The following PTPRD variants were observed in gnomAD, a reference collection of about 807,000 sequenced individuals.
The protein encoded by PTPRD is receptor-type tyrosine-protein phosphatase delta.
A neutral mutation model predicts 214.5 loss-of-function variants in PTPRD; 34 were observed. The observed-to-expected ratio is 0.16, with a 90% CI of 0.12 to 0.21. The LOEUF (loss-of-function observed/expected upper bound fraction) is 0.21. PTPRD is among the 10% of genes least tolerant of loss of function. The pLI is 1.00. For missense variants in PTPRD, 2,545 were observed against 2,398.7 expected (o/e 1.06, Z -1.27); for synonymous variants, 1,128 against 845.7 (o/e 1.33, Z -5.79).
intron 37 of PTPRD, among the ~76,000 whole-genome samples, chr9:8,380,719 G>C (rs2084783773): frequency 6.6e-6 from 1 of 152,082 alleles, no homozygotes; most frequent in Admixed American, 6.6e-5. Context: ...ATATCTGGTA[G>C]GAGCTGATCC....
At chr9:10,414,292 A>C (rs541275339) in intron 2 of PTPRD, among the ~76,000 whole-genome samples, 1 of 152,122 alleles carries the variant, frequency 6.6e-6, no homozygotes, top group East Asian at 1.9e-4. Flanking sequence ...TTACCTGAAC[A>C]CTTTTCAAAA....
Position 10,214,155 on chromosome 9 carries a change from C to T in PTPRD, c.-545+126808G>A, listed in dbSNP as rs572345911. On this transcript the variant is annotated intron_variant, in intron 3 of 45. Transcript: ENST00000381196. ...TTTGCTTTAATTTTTACATCACATG[C>T]AATCATTCTATTTAAATGTGGAAAT... is the stretch of plus-strand genomic sequence containing the variant. Among the ~76,000 whole-genome samples the T allele has an allele frequency of 2.2e-4, 33 of 152,214 alleles. 1 individual carries two copies. In the Middle Eastern group the frequency reaches 0.01, roughly 47 times the overall value.
chr9:8,577,800 C>A, intron 14 of PTPRD, among the ~76,000 whole-genome samples: 1 of 152,224 alleles, frequency 6.6e-6, no homozygotes, highest in East Asian at 1.9e-4. Context: ...TGCAAAATCT[C>A]GGGCCCTACT....
At chr9:9,802,493 CTTG>C (rs2099047437) in intron 5 of PTPRD, among the ~76,000 whole-genome samples, 1 of 151,698 alleles carries the variant, frequency 6.6e-6, no homozygotes, top group South Asian at 2.1e-4. Flanking sequence ...TATGAAATAT[CTTG>C]TTGTTCTAAC....
chr9:9,585,995 A>G (rs745856679), intron 7 of PTPRD, among the ~76,000 whole-genome samples: 1 of 152,004 alleles, frequency 6.6e-6, no homozygotes, highest in Non-Finnish European at 1.5e-5. Flanking sequence ...CCGAGTTGGA[A>G]GCAGTGGATA....
chr9:8,486,756 G>A (rs550292664), intron 27 of PTPRD, among the ~76,000 whole-genome samples: 9 of 152,212 alleles, frequency 5.9e-5, no homozygotes, highest in South Asian at 2.1e-4. Context: ...ATGTACCGGC[G>A]TCACGCTAAG....
chr9:9,289,307 T>A (rs1385258980), intron 9 of PTPRD, among the ~76,000 whole-genome samples: 1 of 151,902 alleles, frequency 6.6e-6, no homozygotes, highest in Non-Finnish European at 1.5e-5. Context: ...GCTAGCAACT[T>A]ATTTTATGTG....
intron 11 of PTPRD, among the ~76,000 whole-genome samples, chr9:8,838,294 C>T (rs948135764): frequency 2.0e-5 from 3 of 151,390 alleles, no homozygotes; most frequent in Admixed American, 6.6e-5. Context: ...AAGGACAGTT[C>T]GGTGCATCGT....
chr9:9,501,950 C>CT (rs913383143), intron 8 of PTPRD, among the ~76,000 whole-genome samples: 1 of 151,714 alleles, frequency 6.6e-6, no homozygotes. Flanking sequence ...TTTAGGAAAT[C>CT]TTTTTTTGTT....
At chr9:9,942,399 C>T (rs967060416) in intron 4 of PTPRD, among the ~76,000 whole-genome samples, 78 of 152,092 alleles carry the variant, frequency 5.1e-4, no homozygotes, top group African/African-American at 1.9e-3. Flanking sequence ...AACCAGCACT[C>T]TCCCCAAAAC....
At chr9:8,415,852 A>C (rs1194275654) in intron 35 of PTPRD, among the ~76,000 whole-genome samples, 1 of 152,062 alleles carries the variant, frequency 6.6e-6, no homozygotes, top group Non-Finnish European at 1.5e-5. Flanking sequence ...CAACTAATGC[A>C]AGTGAGGTTT....
At chr9:10,524,353 T>A (rs1384777039) in intron 2 of PTPRD, among the ~76,000 whole-genome samples, 3 of 152,098 alleles carry the variant, frequency 2.0e-5, no homozygotes, top group Admixed American at 2.0e-4. Flanking sequence ...GATACATAGT[T>A]TACTGTACGA....
intron 5 of PTPRD, among the ~76,000 whole-genome samples, chr9:9,875,784 T>C (rs557604089): frequency 6.6e-6 from 1 of 152,124 alleles, no homozygotes; most frequent in African/African-American, 2.4e-5. Flanking sequence ...AAAATAACAA[T>C]CCACAACACC....
intron 10 of PTPRD, among the ~76,000 whole-genome samples, chr9:9,150,547 T>C (rs1043990999): frequency 2.0e-5 from 3 of 150,554 alleles, no homozygotes; most frequent in African/African-American, 7.3e-5. Flanking sequence ...TGGAGTGCAA[T>C]GGTGTGATTT....
At chr9:10,149,104 T>C (rs1431020552) in intron 3 of PTPRD, among the ~76,000 whole-genome samples, 2 of 152,190 alleles carry the variant, frequency 1.3e-5, no homozygotes, top group African/African-American at 4.8e-5. Flanking sequence ...TCTCTCCATA[T>C]TATGACCATG....
chr9:9,572,794 A>G (rs1323941300), intron 8 of PTPRD, among the ~76,000 whole-genome samples: 1 of 151,468 alleles, frequency 6.6e-6, no homozygotes, highest in Non-Finnish European at 1.5e-5. Context: ...GAGAAATAAG[A>G]GCAAAAACAA....
intron 4 of PTPRD, among the ~76,000 whole-genome samples, chr9:10,013,070 G>A (rs1334750585): frequency 6.6e-6 from 1 of 151,894 alleles, no homozygotes; most frequent in South Asian, 2.1e-4. Context: ...GCAAATCAAT[G>A]ATTTGAACTT....
chr9:10,506,088 C>T (rs2045865349), intron 2 of PTPRD, among the ~76,000 whole-genome samples: 1 of 152,146 alleles, frequency 6.6e-6, no homozygotes, highest in African/African-American at 2.4e-5. Flanking sequence ...TTATTGATTG[C>T]AAGTGGCAAT....
chr9:10,224,834 AGCT>A (rs2099583568), intron 3 of PTPRD, among the ~76,000 whole-genome samples: 2 of 152,026 alleles, frequency 1.3e-5, no homozygotes, highest in African/African-American at 4.8e-5. Context: ...TCTACTTAAC[AGCT>A]AGTAAATACA....
Sources: gnomAD v4.1 joint callset for allele counts (sites outside exome capture counted in the v4.1 genomes callset) on GRCh38, gnomAD v4.1.1 for gene constraint, MANE v1.5 for transcripts, NCBI Gene and HGNC (gene_info 2026-07-23, HGNC 2026-07-21) for gene names.